KCNIP4: variants seen among roughly 807,000 people sequenced by gnomAD.
KCNIP4 encodes Kv channel-interacting protein 4.
KCNIP4 carries 12 observed loss-of-function variants against 34.0 expected under a neutral mutation model. The observed-to-expected ratio is 0.35, with a 90% CI of 0.23 to 0.57. The LOEUF is 0.57. Among genes scored for constraint, KCNIP4 ranks in the 20% least tolerant of loss-of-function variants. The probability of loss-of-function intolerance (pLI) is 0.83; values close to 1 mark genes in which losing one functional copy is unlikely to be tolerated. For synonymous variants in KCNIP4, 124 were observed against 102.2 expected (o/e 1.21, Z -1.29); for missense variants, 238 against 311.7 (o/e 0.76, Z 1.78).
At chr4:21,689,988 A>G (rs1312351605) in intron 1 of KCNIP4, among the ~76,000 whole-genome samples, 2 of 151,794 alleles carry the variant, frequency 1.3e-5, no homozygotes, top group Non-Finnish European at 2.9e-5. Context: ...CTATATCTCT[A>G]TTAGGAAGGA....
chr4:21,843,344 G>A (rs966002227), intron 1 of KCNIP4: 2 of 151,996 alleles, frequency 1.3e-5, no homozygotes, highest in African/African-American at 2.4e-5. Context: ...CCATTTTGCA[G>A]ATGAGGAAAC....
chr4:21,726,864 T>C (rs1715232329), intron 1 of KCNIP4, among the ~76,000 whole-genome samples: 1 of 152,122 alleles, frequency 6.6e-6, no homozygotes, highest in Admixed American at 6.5e-5. Flanking sequence ...CATAAGAACA[T>C]AGCTATAAAT....
At chr4:20,985,703 A>G (rs1403052519) in intron 1 of KCNIP4, among the ~76,000 whole-genome samples, 1 of 152,204 alleles carries the variant, frequency 6.6e-6, no homozygotes, top group Non-Finnish European at 1.5e-5. Flanking sequence ...AATGTGACCA[A>G]TAAATACACC....
chr4:21,941,668 G>T (rs1560193129), intron 1 of KCNIP4, among the ~76,000 whole-genome samples: 3 of 152,262 alleles, frequency 2.0e-5, no homozygotes, highest in Admixed American at 2.0e-4. Flanking sequence ...AATAATTGGG[G>T]TGGGACAGGT....
Position 21,289,210 on chromosome 4 carries a change from A to C in KCNIP4, c.62-406501T>G, listed in dbSNP as rs1763292272. Among the ~76,000 whole-genome samples the C allele has an allele frequency of 2.0e-5, 3 of 152,286 alleles. No individual in the cohort carries two copies. In the South Asian group the frequency reaches 6.2e-4, roughly 32 times the overall value. ...GTGTATATATTTATTTGATATTTTG[A>C]TACAGGCATATAATGTGTAATGATT... On this transcript the variant is annotated intron_variant, in intron 1 of 8. Coordinates refer to ENST00000382152, the MANE Select transcript of KCNIP4 (RefSeq NM_025221.6).
chr4:21,348,320 A>G (rs1717666441), intron 1 of KCNIP4, among the ~76,000 whole-genome samples: 1 of 152,214 alleles, frequency 6.6e-6, no homozygotes, highest in Non-Finnish European at 1.5e-5. Flanking sequence ...TTAAGTTATC[A>G]AAAGCTTACA....
At chr4:20,839,433 T>G (rs1255767262) in intron 3 of KCNIP4, among the ~76,000 whole-genome samples, 1 of 150,668 alleles carries the variant, frequency 6.6e-6, no homozygotes, top group Non-Finnish European at 1.5e-5. Context: ...ATTCCCCTAT[T>G]TTAGATTATT....
intron 1 of KCNIP4, among the ~76,000 whole-genome samples, chr4:21,702,779 T>C (rs956598234): frequency 6.6e-6 from 1 of 151,952 alleles, no homozygotes; most frequent in African/African-American, 2.4e-5. Context: ...ACACAACAAC[T>C]AGAGAAAGAC....
intron 1 of KCNIP4, among the ~76,000 whole-genome samples, chr4:21,752,258 G>T (rs1560687032): frequency 1.3e-5 from 2 of 152,088 alleles, no homozygotes; most frequent in Non-Finnish European, 1.5e-5. Context: ...AAAGAAAAAG[G>T]TTTAATTGAC....
At chr4:21,127,131 G>A (rs980496501) in intron 1 of KCNIP4, among the ~76,000 whole-genome samples, 1 of 152,142 alleles carries the variant, frequency 6.6e-6, no homozygotes, top group Non-Finnish European at 1.5e-5. Context: ...TCATCACTCA[G>A]GTCTCAACTC....
At chr4:20,803,138 C>T (rs562123746) in intron 3 of KCNIP4, among the ~76,000 whole-genome samples, 7 of 144,316 alleles carry the variant, frequency 4.9e-5, no homozygotes. Flanking sequence ...CATACCAAAA[C>T]CTATGGGATG....
chr4:21,085,386 A>G (rs957141955), intron 1 of KCNIP4, among the ~76,000 whole-genome samples: 1 of 152,180 alleles, frequency 6.6e-6, no homozygotes, highest in African/African-American at 2.4e-5. Context: ...TTCAGTCTAT[A>G]TAGTATTCTG....
At chr4:21,938,711 G>T (rs1730029710) in intron 1 of KCNIP4, among the ~76,000 whole-genome samples, 1 of 152,068 alleles carries the variant, frequency 6.6e-6, no homozygotes, top group South Asian at 2.1e-4. Flanking sequence ...AAGAACATAC[G>T]ATGGGGTCCT....
At chr4:21,608,875 C>T (rs1308025566) in intron 1 of KCNIP4, 1 of 152,098 alleles carries the variant, frequency 6.6e-6, no homozygotes, top group African/African-American at 2.4e-5. Context: ...CTTGAACAGT[C>T]TGTAATGGCC....
intron 2 of KCNIP4, among the ~76,000 whole-genome samples, chr4:20,862,764 T>C (rs1722338616): frequency 6.6e-6 from 1 of 152,154 alleles, no homozygotes; most frequent in African/African-American, 2.4e-5. Flanking sequence ...ATGGTACATA[T>C]ACACCACGGA....
chr4:20,983,585 A>C (rs535994545), intron 1 of KCNIP4, among the ~76,000 whole-genome samples: 1 of 152,276 alleles, frequency 6.6e-6, no homozygotes, highest in South Asian at 2.1e-4. Context: ...AAAATACTAA[A>C]CCCAAGTAGA....
At chr4:20,943,075 T>A (rs751062338) in intron 1 of KCNIP4, among the ~76,000 whole-genome samples, 1 of 152,192 alleles carries the variant, frequency 6.6e-6, no homozygotes, top group Non-Finnish European at 1.5e-5. Context: ...TTGATCAAAA[T>A]AAGGAAATCC....
chr4:21,010,626 G>A (rs571567354), intron 1 of KCNIP4, among the ~76,000 whole-genome samples: 1 of 152,234 alleles, frequency 6.6e-6, no homozygotes, highest in South Asian at 2.1e-4. Flanking sequence ...AACAAAACTG[G>A]GACAGATAAT....
chr4:21,578,802 A>T (rs956385391), intron 1 of KCNIP4, among the ~76,000 whole-genome samples: 5 of 152,170 alleles, frequency 3.3e-5, no homozygotes, highest in African/African-American at 9.7e-5. Context: ...TCTGAGCATG[A>T]AGGTCATACA....
Sources: allele counts gnomAD v4.1 joint callset (sites outside exome capture counted in the v4.1 genomes callset), GRCh38; gene constraint gnomAD v4.1.1; transcripts MANE v1.5; gene names NCBI Gene and HGNC (gene_info 2026-07-23, HGNC 2026-07-21).